PPRC1: variants seen among roughly 807,000 people sequenced by gnomAD.
PPRC1 encodes peroxisome proliferator-activated receptor gamma coactivator-related protein 1.
A neutral mutation model predicts 132.5 loss-of-function variants in PPRC1; 23 were observed. That is an observed-to-expected ratio of 0.17 (90% confidence interval 0.12 to 0.25). The LOEUF (loss-of-function observed/expected upper bound fraction) is 0.25, where lower values mean the gene tolerates loss of function less well. Among genes scored for constraint, PPRC1 ranks in the 10% least tolerant of loss-of-function variants. PPRC1 has a pLI of 1.00. For missense variants in PPRC1, 2,006 were observed against 2,089.1 expected (o/e 0.96, Z 0.78); for synonymous variants, 872 against 833.5 (o/e 1.05, Z -0.80).
Position 102,148,299 on chromosome 10 carries a change from T to G in PPRC1, c.4401-73T>G, listed in dbSNP as rs74704837. ...GAGCTTCCTAAAAGAAAGGCAGGAC[T>G]GGGGCCTGGGTGAGATAAGCAGAGT... On this transcript the variant is annotated intron_variant, in intron 9 of 13. Coordinates refer to ENST00000278070, the MANE Select transcript of PPRC1 (RefSeq NM_015062.5). This position sits in a 1 kb window ranked among gnomAD's most constrained non-coding sequence, Gnocchi z 4.2. The G allele has an allele frequency of 4.6e-4, 706 of 1,528,932 alleles. 5 individuals are homozygous for G. The African/African-American group carries it at 8.6e-3, about 19-fold the overall frequency. 94.7% of individuals were successfully genotyped at this position (1,528,932 alleles called of 1,614,324 possible).
Position 102,142,982 on chromosome 10 carries a change from C to T in PPRC1, c.3497-63C>T, listed in dbSNP as rs943566343. 29 of 1,452,314 alleles carry T rather than the reference C, an allele frequency of 2.0e-5. No individual in the cohort carries two copies. In the South Asian group the frequency reaches 2.2e-4, roughly 11 times the overall value. The allele number at this position is 1,452,314 out of a possible 1,614,324, so 90.0% of individuals were successfully genotyped here. A position where few individuals can be genotyped will look rare whatever the true frequency, so the allele number is the denominator to read the frequency against. On this transcript the variant is annotated intron_variant, in intron 5 of 13. Transcript: ENST00000278070. Reference sequence around the variant, plus strand: ...AGAAGTGAGATGATTTGGGGGCTTCCTGGGACCTGTGTACTAAGTTGATAG... The same window carrying T: ...AGAAGTGAGATGATTTGGGGGCTTCTTGGGACCTGTGTACTAAGTTGATAG...
intron 1 of PPRC1, among the ~76,000 whole-genome samples, chr10:102,136,262 C>T (rs2133603653): frequency 6.6e-6 from 1 of 152,198 alleles, no homozygotes; most frequent in Admixed American, 6.5e-5. Flanking sequence ...ACCAGCCTTT[C>T]CTTTTCCTGG....
In PPRC1 at chr10:102,140,094, C is replaced by T. The variant is rs184346801; in HGVS notation, c.1586C>T (p.Ala529Val). Residue 529 changes from alanine (A) to valine (V), a missense_variant, in exon 5 of 14, where the codon GCA (alanine) becomes GTA (valine). Ala to Val is a moderately conservative substitution (Grantham distance 64, BLOSUM62 0). Transcript: ENST00000278070. ...GKPRAWARAW[A>V]AALENSSPKN... Reference sequence around the variant, plus strand: ...CCCCGGGCTTGGGCTCGGGCCTGGGCAGCTGCCTTGGAGAATTCTAGCCCT... The same window carrying T: ...CCCCGGGCTTGGGCTCGGGCCTGGGTAGCTGCCTTGGAGAATTCTAGCCCT... The T allele has an allele frequency of 3.7e-6, 6 of 1,614,246 alleles. No homozygotes were observed. The African/African-American group carries it at 6.7e-5, about 18-fold the overall frequency.
At position 102,139,894 on chromosome 10, in the gene PPRC1, G is replaced by A. The variant is rs1187993127; in HGVS notation, c.1386G>A (p.Lys462=). The A allele has an allele frequency of 8.1e-6, 13 of 1,614,228 alleles. No individual in the cohort carries two copies. The highest frequency in any genetic ancestry group is 1.1e-5 in the Non-Finnish European group (13 of 1,180,034). Residue 462 remains lysine, a synonymous_variant, in exon 5 of 14, where the codon AAG becomes AAA. Transcript: ENST00000278070. ...GSQRARKGRK[K]KSKEQPAACV... ...AGAGAGCTCGAAAGGGCAGGAAGAA[G>A]AAGAGCAAGGAGCAGCCAGCAGCCT...
chr10:102,145,660 C>T (rs941546637), intron 8 of PPRC1, among the ~76,000 whole-genome samples: 4 of 151,512 alleles, frequency 2.6e-5, no homozygotes, highest in Non-Finnish European at 5.9e-5. Context: ...GTCAGGAGAT[C>T]GAGACCATCC....
At chr10:102,133,679 G>A in intron 1 of PPRC1, among the ~76,000 whole-genome samples, 1 of 151,888 alleles carries the variant, frequency 6.6e-6, no homozygotes, top group African/African-American at 2.4e-5. Context: ...GGGGGCGCAG[G>A]CAGCGGGTCC....
intron 1 of PPRC1, among the ~76,000 whole-genome samples, chr10:102,134,564 C>T (rs538399131): frequency 6.6e-6 from 1 of 152,314 alleles, no homozygotes; most frequent in South Asian, 2.1e-4. Context: ...GGGCTGCAGG[C>T]TGCCTGGTAA....
At chr10:102,144,156 G>C (rs958205582) in intron 6 of PPRC1, 94 bp from the exon 7 acceptor site, 1 of 1,252,736 alleles carries the variant, frequency 8.0e-7, no homozygotes, top group African/African-American at 1.5e-5. Flanking sequence ...AGGCAAAGTG[G>C]ATTTTCCTCC....
upstream of PPRC1, among the ~76,000 whole-genome samples, chr10:102,128,296 C>T (rs1464954182): frequency 3.3e-5 from 5 of 152,004 alleles, no homozygotes; most frequent in African/African-American, 9.7e-5. Flanking sequence ...CGTGCCACCA[C>T]GCCCAGCTAA....
chr10:102,137,743 G>A, intron 1 of PPRC1, 107 bp from the exon 2 acceptor site: 1 of 1,073,180 alleles, frequency 9.3e-7, no homozygotes, highest in South Asian at 1.8e-5. Flanking sequence ...CGACAGTGTT[G>A]CTGCTGCTGA....
At chr10:102,120,322 A>G in the PPRC1 span, 1 of 984,220 alleles carries the variant, frequency 1.0e-6, no homozygotes. Context: ...CAGGAAGGCG[A>G]GCGGCCTCTG....
At chr10:102,135,821 G>C (rs1351281205) in intron 1 of PPRC1, among the ~76,000 whole-genome samples, 3 of 152,200 alleles carry the variant, frequency 2.0e-5, no homozygotes, top group Non-Finnish European at 4.4e-5. Context: ...GAGCAGGTTT[G>C]GTGGGTGAAA....
At chr10:102,144,635 T>C in intron 7 of PPRC1, 1 of 475,444 alleles carries the variant, frequency 2.1e-6, no homozygotes, top group Non-Finnish European at 3.8e-6. Context: ...GTGCTGGTAA[T>C]GGTGTAACTT....
In PPRC1 at chr10:102,149,203, C is replaced by A. The variant is rs1356285832; in HGVS notation, c.4765C>A (p.Arg1589Ser). 1.2e-6 allele frequency: 2 copies of A among 1,603,430 alleles called. No individual in the cohort carries two copies. The highest frequency in any genetic ancestry group is 1.7e-6 in the Non-Finnish European group (2 of 1,174,408). Residue 1589 changes from arginine to serine, a missense_variant, in exon 13 of 14, where the codon CGC becomes AGC. Arg to Ser is a moderately radical substitution (Grantham distance 110). This residue lies in a region of PPRC1 where 92 missense variants were observed against 171.9 expected (regional missense o/e 0.54). Transcript: ENST00000278070. ...GGACAACTACGGCTTCGTCACTTAT[C>A]GCTATGCTGAGGAGGCATTTGCAGC... ...QGDNYGFVTYRYAEEAFAAIE... is the reference protein window; with the variant it reads ...QGDNYGFVTYSYAEEAFAAIE...
In PPRC1 at chr10:102,145,171, T is replaced by C; in HGVS notation, c.3679+81T>C. ...GAGCCTACTCCAAATCCATTGTGTGTAGGCGTTAAGGACATAGAGATCTGA... is the reference window on the plus strand; with the variant it reads ...GAGCCTACTCCAAATCCATTGTGTGCAGGCGTTAAGGACATAGAGATCTGA... On this transcript the variant is annotated intron_variant, in intron 8 of 13. Coordinates refer to ENST00000278070, the MANE Select transcript of PPRC1 (RefSeq NM_015062.5). 2.2e-6 allele frequency: 3 copies of C among 1,354,404 alleles called. No individual in the cohort carries two copies. In the South Asian group the frequency reaches 3.7e-5, roughly 17 times the overall value. The allele number at this position is 1,354,404 out of a possible 1,614,324, so 83.9% of individuals were successfully genotyped here. A position where few individuals can be genotyped will look rare whatever the true frequency, so the allele number is the denominator to read the frequency against.
rs530643075 is a variant in PPRC1, at chr10:102,148,793, A to AT, written c.4618-16dup. Reference sequence around the variant, plus strand: ...TGTAGCCCTGGCTAATGGTGTGTTGATTTTTTTTCATTTCCAAACATAGGA... The same window carrying AT: ...TGTAGCCCTGGCTAATGGTGTGTTGATTTTTTTTTCATTTCCAAACATAGGA... On this transcript the variant is annotated intron_variant, in intron 11 of 13. Coordinates refer to ENST00000278070, the MANE Select transcript of PPRC1 (RefSeq NM_015062.5). The surrounding 1 kb of genome is among the most constrained non-coding windows in gnomAD (Gnocchi z 4.2). 91 of 1,613,818 alleles carry AT rather than the reference A, an allele frequency of 5.6e-5. No individual in the cohort carries two copies. Among genetic ancestry groups the AT allele is most frequent in the African/African-American group, 1.9e-4 (14 of 74,920 alleles).
intron 1 of PPRC1, among the ~76,000 whole-genome samples, chr10:102,136,847 G>A (rs185457525): frequency 7.8e-4 from 119 of 152,270 alleles, no homozygotes; most frequent in Non-Finnish European, 1.6e-3. Flanking sequence ...CCACACTCTT[G>A]ACAGGTCTGG....
rs1488829262 is a variant in PPRC1 at position 102,143,028 on chromosome 10, G to A, written c.3497-17G>A. Reference sequence around the variant, plus strand: ...GATAGGGGCTCGTTTTCAATCCTGTGTTGTGTGCCTCCACAGGAATTGAGG... The same window carrying A: ...GATAGGGGCTCGTTTTCAATCCTGTATTGTGTGCCTCCACAGGAATTGAGG... On this transcript the variant is annotated splice_polypyrimidine_tract_variant and intron_variant, in intron 5 of 13. Transcript: ENST00000278070. 1.7e-5 allele frequency: 28 copies of A among 1,610,006 alleles called. No individual in the cohort carries two copies. The Admixed American group carries it at 4.7e-4, about 27-fold the overall frequency.
In PPRC1 at chr10:102,149,206, T is replaced by C. The variant is rs1277219167; in HGVS notation, c.4768T>C (p.Tyr1590His). 3 of 1,605,542 alleles carry C rather than the reference T, an allele frequency of 1.9e-6. No homozygotes were observed. Among genetic ancestry groups the C allele is most frequent in the Non-Finnish European group, 2.6e-6 (3 of 1,175,614 alleles). ...CAACTACGGCTTCGTCACTTATCGCTATGCTGAGGAGGCATTTGCAGCCAT... is the reference window on the plus strand; with the variant it reads ...CAACTACGGCTTCGTCACTTATCGCCATGCTGAGGAGGCATTTGCAGCCAT... Reference protein sequence around the residue: ...GDNYGFVTYRYAEEAFAAIES... With the variant: ...GDNYGFVTYRHAEEAFAAIES... Residue 1590 changes from tyrosine (Y) to histidine (H), a missense_variant, in exon 13 of 14, where the codon TAT (tyrosine) becomes CAT (histidine). Coordinates refer to ENST00000278070, the MANE Select transcript of PPRC1 (RefSeq NM_015062.5).
Sources: allele counts gnomAD v4.1 joint callset (sites outside exome capture counted in the v4.1 genomes callset), GRCh38; gene constraint gnomAD v4.1.1; regional missense constraint gnomAD v4.1.1; non-coding constraint Gnocchi (gnomAD v3.1); transcripts MANE v1.5; gene names NCBI Gene and HGNC (gene_info 2026-07-23, HGNC 2026-07-21).